The following SHISAL1 variants were observed in gnomAD, a reference collection of about 807,000 sequenced individuals.
SHISAL1 encodes the protein protein shisa-like-1.
A neutral mutation model predicts 22.6 loss-of-function variants in SHISAL1; 9 were observed. The observed-to-expected ratio is 0.40, with a 90% CI of 0.24 to 0.70. SHISAL1 has a LOEUF of 0.70. SHISAL1 is among the 30% of genes least tolerant of loss of function. SHISAL1 has a pLI of 0.39. For synonymous variants in SHISAL1, 119 were observed against 115.4 expected, an observed-to-expected ratio of 1.03 and a Z score of -0.20; for missense variants, 246 against 270.6, an observed-to-expected ratio of 0.91 and a Z score of 0.64.
chr22:44,262,151 G>A lies in SHISAL1; in HGVS notation c.*-12466C>T, dbSNP rs554394031. On this transcript the variant is annotated intron_variant, in intron 4 of 4. Coordinates refer to ENST00000381176, the MANE Select transcript of SHISAL1 (RefSeq NM_001099294.2). ...GTCCTGGCCAGGGTGGGAATTGGGGGAAAAGTTCTTGGGAGCAGCCACAGA... is the reference window on the plus strand; with the variant it reads ...GTCCTGGCCAGGGTGGGAATTGGGGAAAAAGTTCTTGGGAGCAGCCACAGA... 4.1e-4 allele frequency among the ~76,000 whole-genome samples: 63 copies of A among 152,332 alleles called. 1 individual carries two copies. The South Asian group carries it at 0.012, about 30-fold the overall frequency.
At chr22:44,266,600 T>C (rs2055165957) in intron 4 of SHISAL1, among the ~76,000 whole-genome samples, 1 of 149,546 alleles carries the variant, frequency 6.7e-6, no homozygotes, top group Non-Finnish European at 1.5e-5. Flanking sequence ...GAGGCTCTGG[T>C]GTGTGTGTTG....
At position 44,245,345 on chromosome 22, in the gene SHISAL1, C is replaced by CA. The variant is rs1348230131; in HGVS notation, c.*4339dup. The CA allele has an allele frequency of 5.3e-5, 8 of 152,336 alleles. No individual in the cohort carries two copies. The highest frequency in any genetic ancestry group is 5.2e-4 in the Admixed American group (8 of 15,280). 9.4% of individuals were successfully genotyped at this position (152,336 alleles called of 1,614,324 possible). A position where few individuals can be genotyped will look rare whatever the true frequency, so the allele number is the denominator to read the frequency against. ...TTACCTACCTACCTAGACAGAGTCT[C>CA]ACTCTGTTGCCCAGGCTGGAGTGCA... On this transcript the variant is annotated 3_prime_UTR_variant, in exon 5 of 5. Transcript: ENST00000381176.
chr22:44,290,573 C>CAGGA (rs571497602), intron 3 of SHISAL1, among the ~76,000 whole-genome samples: 56 of 149,230 alleles, frequency 3.8e-4, no homozygotes, highest in African/African-American at 1.4e-3. Context: ...AGCCCATTGG[C>CAGGA]AGGAGTGGCC....
rs1223481128 is a variant in SHISAL1 at position 44,246,160 on chromosome 22, C to T, written c.*3525G>A. 2.0e-5 allele frequency: 3 copies of T among 152,226 alleles called. No homozygotes were observed. Among genetic ancestry groups the T allele is most frequent in the Non-Finnish European group, 4.4e-5 (3 of 68,062 alleles). 9.4% of individuals were successfully genotyped at this position (152,226 alleles called of 1,614,324 possible). ...AGAGGCTAACTTGAGGGCAGCGAGC[C>T]AGCAGGCATTACCAGCTATTGGTTC... On this transcript the variant is annotated 3_prime_UTR_variant, in exon 5 of 5. Transcript: ENST00000381176.
At chr22:44,327,662 T>C in the SHISAL1 span, among the ~76,000 whole-genome samples, 872 of 151,992 alleles carry the variant, frequency 5.7e-3, 5 homozygotes, top group Non-Finnish European at 8.6e-3. Flanking sequence ...ATGTGTACCC[T>C]GGAGGAAGGC....
rs2055003912 is a variant in SHISAL1 at position 44,246,689 on chromosome 22, C to A, written c.*2996G>T. On this transcript the variant is annotated 3_prime_UTR_variant, in exon 5 of 5. Coordinates refer to ENST00000381176, the MANE Select transcript of SHISAL1 (RefSeq NM_001099294.2). Reference sequence around the variant, plus strand: ...CTGCTTTCCACACTGAGTGTTCACACCCACATGCACACTGTTCTCACCTGT... The same window carrying A: ...CTGCTTTCCACACTGAGTGTTCACAACCACATGCACACTGTTCTCACCTGT... The A allele has an allele frequency of 6.7e-6, 1 of 149,712 alleles. No individual in the cohort carries two copies. The highest frequency in any genetic ancestry group is 2.4e-5 in the African/African-American group (1 of 41,142). The allele number at this position is 149,712 out of a possible 1,614,324, so 9.3% of individuals were successfully genotyped here.
intron 2 of SHISAL1, among the ~76,000 whole-genome samples, chr22:44,298,977 G>C (rs1184421082): frequency 6.6e-6 from 1 of 152,224 alleles, no homozygotes; most frequent in South Asian, 2.1e-4. Context: ...GCATGAGGCT[G>C]CCTGGGCCAT....
intron 4 of SHISAL1, among the ~76,000 whole-genome samples, chr22:44,281,373 G>T (rs931787849): frequency 6.6e-6 from 1 of 152,120 alleles, no homozygotes; most frequent in Admixed American, 6.5e-5. Flanking sequence ...AGGTCAGGTC[G>T]GGGATTGGTG....
At chr22:44,262,599 C>A (rs1464390774) in intron 4 of SHISAL1, among the ~76,000 whole-genome samples, 4 of 152,250 alleles carry the variant, frequency 2.6e-5, no homozygotes, top group Non-Finnish European at 5.9e-5. Context: ...TAGCCCAGAA[C>A]TGCATATCTA....
the SHISAL1 span, among the ~76,000 whole-genome samples, chr22:44,320,767 C>T: frequency 1.3e-5 from 2 of 152,142 alleles, no homozygotes; most frequent in Non-Finnish European, 2.9e-5. Flanking sequence ...GGGCTGCACT[C>T]CCAGGTGGTG....
intron 4 of SHISAL1, among the ~76,000 whole-genome samples, chr22:44,261,866 A>G (rs1366170030): frequency 6.6e-6 from 1 of 152,182 alleles, no homozygotes; most frequent in Non-Finnish European, 1.5e-5. Context: ...CTTGCCCCTC[A>G]TGGCCAGTTC....
chr22:44,267,087 G>A (rs544264764), intron 4 of SHISAL1, among the ~76,000 whole-genome samples: 90 of 152,210 alleles, frequency 5.9e-4, no homozygotes, highest in Non-Finnish European at 1.1e-3. Context: ...GGGGACGTGG[G>A]CACTGCAGGC....
intron 4 of SHISAL1, among the ~76,000 whole-genome samples, chr22:44,253,105 T>G (rs1328559339): frequency 6.6e-6 from 1 of 152,220 alleles, no homozygotes; most frequent in African/African-American, 2.4e-5. Flanking sequence ...ACCCCTGAAC[T>G]GTATACTTTA....
At chr22:44,317,328 C>T (rs949094466), upstream of SHISAL1, among the ~76,000 whole-genome samples, 1 of 152,332 alleles carries the variant, frequency 6.6e-6, no homozygotes, top group Non-Finnish European at 1.5e-5. Context: ...CAAGCCAGGC[C>T]TGTCCTTACT....
rs147594352 is a variant in SHISAL1 at position 44,279,882 on chromosome 22, A to ATCAT, written c.599+5542_599+5545dup. 4.7e-3 allele frequency among the ~76,000 whole-genome samples: 718 copies of ATCAT among 152,320 alleles called. 4 individuals carry two copies. Among genetic ancestry groups the ATCAT allele is most frequent in the African/African-American group, 0.016 (681 of 41,574 alleles). Reference sequence around the variant, plus strand: ...AAATGCAGAATCCTAGGCCTACCCCATCATTAGGCATCAGAATTTGCAAAC... The same window carrying ATCAT: ...AAATGCAGAATCCTAGGCCTACCCCATCATTCATTAGGCATCAGAATTTGCAAAC... On this transcript the variant is annotated intron_variant, in intron 4 of 4. Coordinates refer to ENST00000381176, the MANE Select transcript of SHISAL1 (RefSeq NM_001099294.2).
Position 44,249,464 on chromosome 22 carries a change from C to T in SHISAL1, c.*221G>A, listed in dbSNP as rs1569205158. 3.9e-6 allele frequency: 2 copies of T among 509,808 alleles called. No homozygotes were observed. Among genetic ancestry groups the T allele is most frequent in the East Asian group, 6.6e-5 (2 of 30,344 alleles). The allele number at this position is 509,808 out of a possible 1,614,324, so 31.6% of individuals were successfully genotyped here. A position where few individuals can be genotyped will look rare whatever the true frequency, so the allele number is the denominator to read the frequency against. On this transcript the variant is annotated 3_prime_UTR_variant, in exon 5 of 5. Transcript: ENST00000381176. ...AGGACTATTGCTTGCGGACAGGTGGCTCAGAATCCCCTCCCCTGCACCCCC... is the reference window on the plus strand; with the variant it reads ...AGGACTATTGCTTGCGGACAGGTGGTTCAGAATCCCCTCCCCTGCACCCCC...
At position 44,263,039 on chromosome 22, in the gene SHISAL1, G is replaced by A. The variant is rs143808100; in HGVS notation, c.*-13354C>T. On this transcript the variant is annotated intron_variant, in intron 4 of 4. Transcript: ENST00000381176. ...TTGGTGCTGACGGTATGCATGTGGG[G>A]TGTGGGGCTGGGAGCCTTCACGTAT... Among the ~76,000 whole-genome samples, 89 of 151,820 alleles carry A rather than the reference G, an allele frequency of 5.9e-4. No individual in the cohort carries two copies. The South Asian group carries it at 6.3e-3, about 11-fold the overall frequency.
intron 2 of SHISAL1, among the ~76,000 whole-genome samples, chr22:44,297,957 G>C (rs532836842): frequency 6.6e-6 from 1 of 152,188 alleles, no homozygotes; most frequent in African/African-American, 2.4e-5. Flanking sequence ...ACCCACCCGG[G>C]GCTGCTGCAG....
At chr22:44,289,336 A>G (rs2055337034) in intron 3 of SHISAL1, among the ~76,000 whole-genome samples, 1 of 152,178 alleles carries the variant, frequency 6.6e-6, no homozygotes, top group Non-Finnish European at 1.5e-5. Flanking sequence ...TCTAGGATAG[A>G]TGTCCAAAGA....
Sources: gnomAD v4.1 joint callset for allele counts (sites outside exome capture counted in the v4.1 genomes callset) on GRCh38, gnomAD v4.1.1 for gene constraint, MANE v1.5 for transcripts, NCBI Gene and HGNC (gene_info 2026-07-23, HGNC 2026-07-21) for gene names.